DLG2: variants seen among roughly 807,000 people sequenced by gnomAD.
DLG2 encodes the protein discs large MAGUK scaffold protein 2, also known as disks large homolog 2.
Under a neutral mutation model 132.5 loss-of-function variants are expected in DLG2, and 45 were observed. The observed-to-expected ratio is 0.34, with a 90% CI of 0.27 to 0.44. The LOEUF is 0.44. DLG2 is among the 20% of genes least tolerant of loss of function. The probability of loss-of-function intolerance (pLI) is 1.00; values close to 1 mark genes in which losing one functional copy is unlikely to be tolerated. For synonymous variants in DLG2, 424 were observed against 419.6 expected, an observed-to-expected ratio of 1.01 and a Z score of -0.13; for missense variants, 1,045 against 1,196.9, an observed-to-expected ratio of 0.87 and a Z score of 1.87.
chr11:83,668,617 A>G (rs2076146309), intron 18 of DLG2, among the ~76,000 whole-genome samples: 1 of 150,806 alleles, frequency 6.6e-6, no homozygotes. Flanking sequence ...GAAAAACTAT[A>G]TATACACACA....
intron 6 of DLG2, among the ~76,000 whole-genome samples, chr11:84,859,308 C>A (rs1037947912): frequency 1.4e-5 from 2 of 142,200 alleles, no homozygotes; most frequent in African/African-American, 5.0e-5. Context: ...AACATATATA[C>A]CTATATATGT....
At position 83,930,684 on chromosome 11, in the gene DLG2, G is replaced by T. The variant is rs915566401; in HGVS notation, c.1341-201C>A. 8.5e-5 allele frequency among the ~76,000 whole-genome samples: 13 copies of T among 152,264 alleles called. 1 individual carries two copies. In the East Asian group the frequency reaches 1.2e-3, roughly 14 times the overall value. On this transcript the variant is annotated intron_variant, in intron 14 of 27. Coordinates refer to ENST00000376104, the MANE Select transcript of DLG2 (RefSeq NM_001142699.3). ...TCCTCAGACTCTTCTGTGGGTAAAA[G>T]TGGCCCCATGAAAATGTTCAGTCCA...
chr11:83,902,794 A>AT (rs1403724200), intron 15 of DLG2, among the ~76,000 whole-genome samples: 1 of 152,126 alleles, frequency 6.6e-6, no homozygotes, highest in African/African-American at 2.4e-5. Context: ...GCCCCTGAGG[A>AT]TAAAAAAGCA....
intron 3 of DLG2, among the ~76,000 whole-genome samples, chr11:85,498,700 T>C (rs191869191): frequency 2.0e-5 from 3 of 151,946 alleles, no homozygotes; most frequent in Non-Finnish European, 4.4e-5. Context: ...TCCTCAGGAA[T>C]GTAAACAAAC....
chr11:84,025,150 G>C (rs932945114), intron 11 of DLG2, among the ~76,000 whole-genome samples: 30 of 152,104 alleles, frequency 2.0e-4, no homozygotes, highest in African/African-American at 7.2e-4. Flanking sequence ...TGGGTCAGTT[G>C]GTGGTTGCAA....
chr11:85,087,400 T>G (rs2068077973), intron 6 of DLG2, among the ~76,000 whole-genome samples: 1 of 152,196 alleles, frequency 6.6e-6, no homozygotes, highest in Non-Finnish European at 1.5e-5. Flanking sequence ...TCTTTCAGTG[T>G]ATGAAGAATG....
intron 18 of DLG2, among the ~76,000 whole-genome samples, chr11:83,754,273 A>C (rs2093557741): frequency 6.6e-6 from 1 of 151,150 alleles, no homozygotes; most frequent in Non-Finnish European, 1.5e-5. Context: ...TGGAGTTTCT[A>C]ACACTAACTT....
chr11:85,564,452 T>C (rs1298200584), intron 3 of DLG2, among the ~76,000 whole-genome samples: 1 of 151,968 alleles, frequency 6.6e-6, no homozygotes, highest in East Asian at 1.9e-4. Flanking sequence ...AGTTCACTTT[T>C]TCCACATTCT....
At chr11:84,266,312 T>C (rs945535714) in intron 7 of DLG2, among the ~76,000 whole-genome samples, 32 of 152,182 alleles carry the variant, frequency 2.1e-4, no homozygotes, top group African/African-American at 7.7e-4. Context: ...GACAATTTCA[T>C]TCCACTTTAC....
In DLG2 at chr11:84,777,315, A is replaced by G. The variant is rs1049591162; in HGVS notation, c.358-242584T>C. Among the ~76,000 whole-genome samples, 3 of 82,190 alleles carry G rather than the reference A, an allele frequency of 3.7e-5. 1 individual carries two copies. The highest frequency in any genetic ancestry group is 7.3e-4 in the South Asian group (2 of 2,726). 53.9% of individuals were successfully genotyped at this position (82,190 alleles called of 152,430 possible). ...TATATATATATATATATATATATAT[A>G]TATATATATACGTTTTCTTTACCCA... is the stretch of plus-strand genomic sequence containing the variant. On this transcript the variant is annotated intron_variant, in intron 6 of 27. Coordinates refer to ENST00000376104, the MANE Select transcript of DLG2 (RefSeq NM_001142699.3).
intron 4 of DLG2, among the ~76,000 whole-genome samples, chr11:85,161,266 G>T (rs1421859071): frequency 6.6e-6 from 1 of 152,220 alleles, no homozygotes; most frequent in Non-Finnish European, 1.5e-5. Context: ...TCATTGGCCA[G>T]TGGGCCCATG....
At chr11:85,243,774 G>A (rs918663282) in intron 4 of DLG2, among the ~76,000 whole-genome samples, 4 of 151,866 alleles carry the variant, frequency 2.6e-5, no homozygotes, top group Middle Eastern at 3.2e-3. Context: ...CAAACCACCC[G>A]CCCAACCTTG....
intron 16 of DLG2, among the ~76,000 whole-genome samples, chr11:83,871,931 T>C (rs767341429): frequency 5.9e-5 from 9 of 152,190 alleles, no homozygotes; most frequent in Non-Finnish European, 1.2e-4. Flanking sequence ...CTAGTACTTA[T>C]TGACGGTCCA....
chr11:85,106,644 A>G (rs1191369689), intron 6 of DLG2, among the ~76,000 whole-genome samples: 1 of 151,988 alleles, frequency 6.6e-6, no homozygotes, highest in Non-Finnish European at 1.5e-5. Context: ...GCCAGGTGCT[A>G]TGTTAACACT....
intron 3 of DLG2, among the ~76,000 whole-genome samples, chr11:85,412,754 CACACACATATATATAT>C (rs1264382662): frequency 7.3e-5 from 9 of 123,518 alleles, no homozygotes; most frequent in East Asian, 5.0e-4. Flanking sequence ...CACACACACA[CACACACATATATATAT>C]ATATATATAT....
intron 6 of DLG2, among the ~76,000 whole-genome samples, chr11:84,726,705 G>A (rs563227342): frequency 6.6e-6 from 1 of 152,246 alleles, no homozygotes; most frequent in Admixed American, 6.5e-5. Context: ...TTCCACAATA[G>A]TTGAACTAAT....
intron 21 of DLG2, among the ~76,000 whole-genome samples, chr11:83,491,147 T>G (rs754177019): frequency 3.3e-4 from 30 of 90,434 alleles, no homozygotes; most frequent in South Asian, 7.1e-4. Context: ...TTTTTTTCTG[T>G]TTTTTTTTTT....
intron 6 of DLG2, among the ~76,000 whole-genome samples, chr11:84,556,556 C>T (rs556076781): frequency 6.6e-6 from 1 of 152,120 alleles, no homozygotes; most frequent in Non-Finnish European, 1.5e-5. Context: ...AACAGTCCCA[C>T]GATGTTATTC....
intron 3 of DLG2, among the ~76,000 whole-genome samples, chr11:85,350,883 G>A (rs750238167): frequency 1.6e-4 from 24 of 152,176 alleles, no homozygotes; most frequent in Non-Finnish European, 2.8e-4. Flanking sequence ...GATTGTCTTG[G>A]CAATGCAGGC....
Sources: allele counts gnomAD v4.1 joint callset (sites outside exome capture counted in the v4.1 genomes callset), GRCh38; gene constraint gnomAD v4.1.1; transcripts MANE v1.5; gene names NCBI Gene and HGNC (gene_info 2026-07-23, HGNC 2026-07-21).